PCGF6: variants seen among roughly 807,000 people sequenced by gnomAD.
PCGF6 encodes polycomb group ring finger 6, also known as polycomb group RING finger protein 6.
Under a neutral mutation model 45.5 loss-of-function variants are expected in PCGF6, and 24 were observed. The ratio of observed to expected loss-of-function variants is 0.53; its 90% CI spans 0.38 to 0.74. The LOEUF (loss-of-function observed/expected upper bound fraction) is 0.74. PCGF6 is among the 30% of genes least tolerant of loss of function. PCGF6 has a pLI of 0.00. For synonymous variants in PCGF6, 152 were observed against 162.1 expected, an observed-to-expected ratio of 0.94 and a Z score of 0.47; for missense variants, 356 against 443.2, an observed-to-expected ratio of 0.80 and a Z score of 1.77.
At chr10:103,331,842 G>T (rs2133581039) in intron 7 of PCGF6, among the ~76,000 whole-genome samples, 1 of 152,286 alleles carries the variant, frequency 6.6e-6, no homozygotes, top group Admixed American at 6.5e-5. Context: ...GCCCAGGCTG[G>T]AGTGCAGTGG....
chr10:103,331,037 G>C (rs1456586633), intron 7 of PCGF6, among the ~76,000 whole-genome samples: 1 of 152,070 alleles, frequency 6.6e-6, no homozygotes, highest in East Asian at 1.9e-4. Context: ...GGATTTTCTT[G>C]TTCTGCACAT....
At chr10:103,333,536 T>C (rs1013850297) in intron 7 of PCGF6, among the ~76,000 whole-genome samples, 3 of 152,202 alleles carry the variant, frequency 2.0e-5, no homozygotes, top group Admixed American at 6.6e-5. Context: ...AAGGAGTTCA[T>C]TCTTACCTCT....
chr10:103,345,245 C>A lies in PCGF6; in HGVS notation c.674-113G>T, dbSNP rs1434664616. The A allele has an allele frequency of 5.5e-6, 4 of 725,938 alleles. No individual in the cohort carries two copies. The East Asian group carries it at 1.1e-4, about 21-fold the overall frequency. 45.0% of individuals were successfully genotyped at this position (725,938 alleles called of 1,614,324 possible). On this transcript the variant is annotated intron_variant, in intron 5 of 9. Transcript: ENST00000369847. ...TGTTGAGTATTTAAAAGATCATAAACCACTCAATCTCCCTGTCTTTAATGA... is the reference window on the plus strand; with the variant it reads ...TGTTGAGTATTTAAAAGATCATAAAACACTCAATCTCCCTGTCTTTAATGA...
At chr10:103,305,363 C>T (rs927908041) in intron 9 of PCGF6, among the ~76,000 whole-genome samples, 2 of 152,010 alleles carry the variant, frequency 1.3e-5, no homozygotes, top group African/African-American at 2.4e-5. Context: ...CTCCGCCTCC[C>T]GGGTTCAAGC....
At chr10:103,306,639 T>C (rs1564721555) in intron 9 of PCGF6, among the ~76,000 whole-genome samples, 2 of 152,212 alleles carry the variant, frequency 1.3e-5, no homozygotes, top group African/African-American at 2.4e-5. Flanking sequence ...TTTGTGTTCC[T>C]GGCAATTACA....
In PCGF6 at chr10:103,350,995, C is replaced by CGGA. The variant is rs1393913703; in HGVS notation, c.71_72insTCC (p.Pro28dup). The CGGA allele has an allele frequency of 6.9e-7, 1 of 1,439,648 alleles. No individual in the cohort carries two copies. 89.2% of individuals were successfully genotyped at this position (1,439,648 alleles called of 1,614,324 possible). ...CGGGCGGGGAGACAGGAGGCGGAGG[C>CGGA]GGCAAGGCTGCAGCTCCCTCGGTTT... On this transcript the variant is annotated inframe_insertion, in exon 1 of 10. Transcript: ENST00000369847.
chr10:103,347,200 T>C (rs375025758), intron 5 of PCGF6, 38 bp downstream of exon 5: 35 of 1,472,206 alleles, frequency 2.4e-5, no homozygotes, highest in Non-Finnish European at 3.2e-5. Context: ...TAGTATTCTT[T>C]AATCTGTAAG....
chr10:103,310,075 C>T (rs1592054303), intron 9 of PCGF6, among the ~76,000 whole-genome samples: 3 of 151,674 alleles, frequency 2.0e-5, no homozygotes, highest in East Asian at 3.9e-4. Context: ...CTCAGCCTCC[C>T]GAGTAGCTGG....
At chr10:103,309,586 T>A (rs1435335683) in intron 9 of PCGF6, among the ~76,000 whole-genome samples, 1 of 152,208 alleles carries the variant, frequency 6.6e-6, no homozygotes, top group African/African-American at 2.4e-5. Flanking sequence ...TATAGCAATG[T>A]AAGAATGGAC....
At chr10:103,307,531 T>G (rs934878226) in intron 9 of PCGF6, among the ~76,000 whole-genome samples, 2 of 152,226 alleles carry the variant, frequency 1.3e-5, no homozygotes, top group Non-Finnish European at 2.9e-5. Context: ...CAGGCTGGCA[T>G]GAATGATCAG....
At chr10:103,339,601 C>T (rs1261358390) in intron 6 of PCGF6, among the ~76,000 whole-genome samples, 33 of 139,230 alleles carry the variant, frequency 2.4e-4, no homozygotes, top group East Asian at 1.6e-3. Flanking sequence ...CCAGCCTGGC[C>T]AACATGGTGA....
At chr10:103,339,085 T>C (rs1237573156) in intron 6 of PCGF6, among the ~76,000 whole-genome samples, 1 of 151,874 alleles carries the variant, frequency 6.6e-6, no homozygotes, top group East Asian at 1.9e-4. Context: ...TTACCCCCAA[T>C]AGCCTAACTT....
chr10:103,343,832 C>CAA (rs71019677), intron 6 of PCGF6, among the ~76,000 whole-genome samples: 9 of 32,484 alleles, frequency 2.8e-4, no homozygotes, highest in Admixed American at 6.9e-4. Context: ...AACTCTGTCT[C>CAA]AAAAAAAAAA....
At chr10:103,332,203 T>C (rs985313456) in intron 7 of PCGF6, among the ~76,000 whole-genome samples, 4 of 152,228 alleles carry the variant, frequency 2.6e-5, no homozygotes, top group African/African-American at 9.6e-5. Context: ...ATTGCTACCA[T>C]GTTTTTTCAT....
intron 8 of PCGF6, 124 bp downstream of exon 8, chr10:103,326,410 T>C (rs1024841661): frequency 2.4e-6 from 1 of 424,844 alleles, no homozygotes; most frequent in Non-Finnish European, 4.0e-6. Context: ...AAAAAAACAA[T>C]GTCTACAACA....
intron 1 of PCGF6, among the ~76,000 whole-genome samples, chr10:103,349,293 C>T (rs954300094): frequency 6.6e-6 from 1 of 151,728 alleles, no homozygotes; most frequent in Non-Finnish European, 1.5e-5. Context: ...GGTGATCCAC[C>T]CGCCAAGGCC....
intron 9 of PCGF6, among the ~76,000 whole-genome samples, chr10:103,306,259 C>T (rs1042303892): frequency 4.6e-5 from 7 of 151,932 alleles, no homozygotes; most frequent in Middle Eastern, 3.2e-3. Context: ...CAACACCCAC[C>T]GCTAATTTTT....
intron 8 of PCGF6, among the ~76,000 whole-genome samples, chr10:103,320,168 T>TAGA (rs1416744378): frequency 1.3e-5 from 2 of 152,130 alleles, no homozygotes; most frequent in African/African-American, 4.8e-5. Context: ...TCACATCTTA[T>TAGA]AGAAGAATTT....
intron 9 of PCGF6, among the ~76,000 whole-genome samples, chr10:103,304,540 C>T (rs2093130941): frequency 6.6e-6 from 1 of 152,044 alleles, no homozygotes; most frequent in Admixed American, 6.6e-5. Context: ...AGGGTTTTGC[C>T]ATGTTGGCCA....
Sources: gnomAD v4.1 joint callset for allele counts (sites outside exome capture counted in the v4.1 genomes callset) on GRCh38, gnomAD v4.1.1 for gene constraint, MANE v1.5 for transcripts, NCBI Gene and HGNC (gene_info 2026-07-23, HGNC 2026-07-21) for gene names.